Variants in SOX5 observed in about 807,000 individuals in gnomAD.
SOX5 encodes the protein transcription factor SOX-5.
In SOX5, 9 loss-of-function variants were observed where a neutral mutation model predicts 92.0. That is an observed-to-expected ratio of 0.10 (90% CI 0.06 to 0.17). The LOEUF (loss-of-function observed/expected upper bound fraction) is 0.17, where lower values mean the gene tolerates loss of function less well. Among genes scored for constraint, SOX5 ranks in the 10% least tolerant of loss-of-function variants. The probability of loss-of-function intolerance (pLI) is 1.00; values close to 1 mark genes in which losing one functional copy is unlikely to be tolerated. For synonymous variants in SOX5, 344 were observed against 336.3 expected (o/e 1.02, Z -0.25); for missense variants, 642 against 944.5 (o/e 0.68, Z 4.20).
intron 3 of SOX5, among the ~76,000 whole-genome samples, chr12:23,780,298 T>A (rs118068734): frequency 0.02 from 3,026 of 151,962 alleles, 51 homozygotes; most frequent in Middle Eastern, 0.041. Flanking sequence ...CATCATTTTT[T>A]AAAAAAAGGA....
intron 3 of SOX5, among the ~76,000 whole-genome samples, chr12:23,784,317 A>G (rs2095338207): frequency 1.3e-5 from 2 of 151,916 alleles, no homozygotes; most frequent in East Asian, 3.9e-4. Context: ...TTTTTATTTT[A>G]TTTTATTCAT....
chr12:24,382,871 A>C (rs1439491044), intron 1 of SOX5, among the ~76,000 whole-genome samples: 2 of 152,156 alleles, frequency 1.3e-5, no homozygotes, highest in Admixed American at 1.3e-4. Context: ...TTAACTAAAC[A>C]GAAGACTTCA....
At chr12:24,048,057 CAGGAGTA>C (rs1167092110) in intron 4 of SOX5, among the ~76,000 whole-genome samples, 1 of 152,092 alleles carries the variant, frequency 6.6e-6, no homozygotes, top group Non-Finnish European at 1.5e-5. Context: ...CTGAAGTACT[CAGGAGTA>C]AAAAGTTAAG....
rs550777843 is a variant in SOX5 at position 24,200,406 on chromosome 12, G to A, written c.-2+12937C>T. Among the ~76,000 whole-genome samples the A allele has an allele frequency of 2.0e-5, 3 of 151,948 alleles. No homozygotes were observed. The South Asian group carries it at 6.2e-4, about 32-fold the overall frequency. On this transcript the variant is annotated intron_variant, in intron 4 of 4. Coordinates refer to the SOX5 transcript ENST00000446891. ...CATCTTAAGTCTTTTATAAATCTTGGGTTTGAAAGTCAAATATACATATAC... is the reference window on the plus strand; with the variant it reads ...CATCTTAAGTCTTTTATAAATCTTGAGTTTGAAAGTCAAATATACATATAC...
At position 23,578,795 on chromosome 12, in the gene SOX5, ACT is replaced by A. The variant is rs571870738; in HGVS notation, c.1165-2959_1165-2958del. On this transcript the variant is annotated intron_variant, in intron 9 of 14. Coordinates refer to ENST00000451604, the MANE Select transcript of SOX5 (RefSeq NM_006940.6). ...TCCCCTAGCAATATACTACCTGTTT[ACT>A]ACCTTCTGTGTGAAACTGACTTCTG... Among the ~76,000 whole-genome samples, 7 of 152,306 alleles carry A rather than the reference ACT, an allele frequency of 4.6e-5. No homozygotes were observed. The South Asian group carries it at 1.5e-3, about 32-fold the overall frequency.
intron 3 of SOX5, chr12:24,213,419 T>TAAAAAAAAAAAA (rs67296842): frequency 0.01 from 993 of 96,058 alleles, 1 homozygote; most frequent in Middle Eastern, 0.013. Context: ...CTTGAAATGC[T>TAAAAAAAAAAAA]AAAAAAAAAA....
At chr12:23,599,802 TC>T (rs149632594) in intron 9 of SOX5, among the ~76,000 whole-genome samples, 20,880 of 152,144 alleles carry the variant, frequency 0.14, 1,773 homozygotes, top group South Asian at 0.21. Context: ...ATACTCTTCC[TC>T]CTAAAATAAC....
chr12:24,075,923 T>C (rs551532502), intron 4 of SOX5, among the ~76,000 whole-genome samples: 1 of 152,110 alleles, frequency 6.6e-6, no homozygotes, highest in South Asian at 2.1e-4. Context: ...CAAAGAGAAA[T>C]GGAGTTAGCA....
intron 1 of SOX5, among the ~76,000 whole-genome samples, chr12:23,896,473 T>C (rs2097179023): frequency 6.6e-6 from 1 of 152,166 alleles, no homozygotes; most frequent in Non-Finnish European, 1.5e-5. Flanking sequence ...ATATAAATGA[T>C]TGCCATTAAA....
chr12:23,867,418 T>A (rs10459056), intron 2 of SOX5, among the ~76,000 whole-genome samples: 108,026 of 151,922 alleles, frequency 0.71, 38,594 homozygotes, highest in East Asian at 0.89. Context: ...AAGTCTCTTA[T>A]CCTGTCTGAA....
At chr12:24,374,298 G>A (rs926530671) in intron 1 of SOX5, among the ~76,000 whole-genome samples, 4 of 152,228 alleles carry the variant, frequency 2.6e-5, no homozygotes, top group East Asian at 3.9e-4. Flanking sequence ...GGGTGGCAGC[G>A]AGAGCACAGG....
Position 24,494,757 on chromosome 12 carries a change from A to G in SOX5, c.-251+67572T>C, listed in dbSNP as rs575110636. ...CTTAAAACGAACTACTAATGAAATGAGAAGGGTATGGCAGCATTAAAGAAA... is the reference window on the plus strand; with the variant it reads ...CTTAAAACGAACTACTAATGAAATGGGAAGGGTATGGCAGCATTAAAGAAA... On this transcript the variant is annotated intron_variant, in intron 1 of 4. Coordinates refer to the SOX5 transcript ENST00000446891. 1.2e-4 allele frequency among the ~76,000 whole-genome samples: 19 copies of G among 152,314 alleles called. No individual in the cohort carries two copies. In the South Asian group the frequency reaches 3.5e-3, roughly 28 times the overall value.
At chr12:23,666,930 T>C (rs1825424637) in intron 6 of SOX5, among the ~76,000 whole-genome samples, 1 of 152,282 alleles carries the variant, frequency 6.6e-6, no homozygotes, top group Admixed American at 6.5e-5. Flanking sequence ...CTAGCGTTCT[T>C]ACGATTCTTA....
chr12:24,357,840 C>CAAAAAAA (rs566913275), intron 2 of SOX5, among the ~76,000 whole-genome samples: 1 of 105,248 alleles, frequency 9.5e-6, no homozygotes, highest in African/African-American at 3.4e-5. Flanking sequence ...GACTCCATCT[C>CAAAAAAA]AAAAAAAAAA....
chr12:23,857,571 C>G (rs768088008), intron 2 of SOX5, among the ~76,000 whole-genome samples: 20 of 152,124 alleles, frequency 1.3e-4, no homozygotes, highest in Non-Finnish European at 2.8e-4. Context: ...AGTACATTGC[C>G]CTTCCCTCTT....
intron 1 of SOX5, among the ~76,000 whole-genome samples, chr12:23,897,392 A>C (rs1184967012): frequency 6.6e-6 from 1 of 152,160 alleles, no homozygotes; most frequent in African/African-American, 2.4e-5. Flanking sequence ...GAATCAGACA[A>C]GTCGGAATGA....
intron 6 of SOX5, among the ~76,000 whole-genome samples, chr12:23,729,510 G>GC (rs2093307708): frequency 6.6e-6 from 1 of 152,136 alleles, no homozygotes; most frequent in South Asian, 2.1e-4. Context: ...TATTTTCTTT[G>GC]CTCTACCCTT....
intron 1 of SOX5, among the ~76,000 whole-genome samples, chr12:24,456,416 T>C (rs1322906241): frequency 6.6e-6 from 1 of 152,168 alleles, no homozygotes; most frequent in East Asian, 1.9e-4. Context: ...ATGTGCCATA[T>C]CATATTTCTA....
intron 1 of SOX5, among the ~76,000 whole-genome samples, chr12:24,383,297 A>C (rs1958020306): frequency 6.6e-6 from 1 of 152,224 alleles, no homozygotes; most frequent in African/African-American, 2.4e-5. Flanking sequence ...AACTACCTTT[A>C]TGTAACGATT....
Sources: gnomAD v4.1 joint callset for allele counts (sites outside exome capture counted in the v4.1 genomes callset) on GRCh38, gnomAD v4.1.1 for gene constraint, MANE v1.5 for transcripts, NCBI Gene and HGNC (gene_info 2026-07-23, HGNC 2026-07-21) for gene names.